Variants in NRXN1 observed in about 807,000 individuals in gnomAD.
The protein encoded by NRXN1 is neurexin 1, also known as neurexin-1.
A neutral mutation model predicts 150.9 loss-of-function variants in NRXN1; 39 were observed. The observed-to-expected ratio is 0.26, with a 90% CI of 0.20 to 0.34. The LOEUF (loss-of-function observed/expected upper bound fraction) is 0.34, where lower values mean the gene tolerates loss of function less well. Ranked by LOEUF, NRXN1 falls within the 10% of genes least tolerant of loss-of-function variation. NRXN1 has a pLI of 1.00. For missense variants in NRXN1, 1,815 were observed against 1,949.9 expected (o/e 0.93, Z 1.30); for synonymous variants, 924 against 757.0 (o/e 1.22, Z -3.62).
chr2:50,591,402 AG>A (rs1674200933), intron 8 of NRXN1, among the ~76,000 whole-genome samples: 2 of 135,226 alleles, frequency 1.5e-5, no homozygotes, highest in Non-Finnish European at 3.4e-5. Flanking sequence ...ATAGATAGAT[AG>A]ATAGATAGAT....
intron 21 of NRXN1, among the ~76,000 whole-genome samples, chr2:50,046,242 T>C (rs1691787435): frequency 1.3e-5 from 2 of 152,170 alleles, no homozygotes; most frequent in Non-Finnish European, 2.9e-5. Flanking sequence ...GTAGTCCTCA[T>C]GGACCTCACG....
At chr2:50,028,515 T>C (rs562354429) in intron 21 of NRXN1, among the ~76,000 whole-genome samples, 124 of 152,336 alleles carry the variant, frequency 8.1e-4, no homozygotes, top group Non-Finnish European at 1.3e-3. Flanking sequence ...CTGAATATTA[T>C]ATAAGTTGTT....
intron 5 of NRXN1, among the ~76,000 whole-genome samples, chr2:50,762,077 G>A (rs1172443607): frequency 6.6e-6 from 1 of 151,146 alleles, no homozygotes; most frequent in Non-Finnish European, 1.5e-5. Flanking sequence ...TTGTGATCAT[G>A]TGAATCAATA....
At chr2:50,672,243 C>T (rs1178156183) in intron 5 of NRXN1, among the ~76,000 whole-genome samples, 3 of 151,676 alleles carry the variant, frequency 2.0e-5, no homozygotes, top group African/African-American at 7.3e-5. Context: ...GTATCATCAG[C>T]TTTCAGCTAT....
rs751268547 is a variant in NRXN1, at chr2:50,538,634, T to C, written c.1762A>G (p.Thr588Ala). ...GTACGCAACGTGTTGACAGAAATGG[T>C]ACCTATTTCAAAGAGAGGAGAATGC... ...VDFQRDGRSG[T>A]ISVNTLRTPY... Residue 588 changes from threonine to alanine, a missense_variant and splice_region_variant, in exon 10 of 23, where the codon ACC becomes GCC. Thr to Ala is a moderately conservative substitution (Grantham distance 58). Around this residue, in one of 6 missense-constraint regions of NRXN1, gnomAD observed 638 missense variants for 652.6 expected, o/e 0.98. Transcript: ENST00000401669. 1.3e-6 allele frequency: 2 copies of C among 1,481,714 alleles called. No individual in the cohort carries two copies. Among genetic ancestry groups the C allele is most frequent in the East Asian group, 4.6e-5 (2 of 43,334 alleles). 91.8% of individuals were successfully genotyped at this position (1,481,714 alleles called of 1,614,324 possible).
chr2:50,167,302 G>A (rs957975378), intron 18 of NRXN1, among the ~76,000 whole-genome samples: 46 of 152,022 alleles, frequency 3.0e-4, no homozygotes, highest in African/African-American at 1.1e-3. Context: ...GAATAAGATC[G>A]AAGAACACTC....
intron 5 of NRXN1, among the ~76,000 whole-genome samples, chr2:50,899,572 T>G (rs946638829): frequency 6.6e-6 from 1 of 152,168 alleles, no homozygotes; most frequent in African/African-American, 2.4e-5. Context: ...AGAGAAAATT[T>G]TTTAAAAAAT....
chr2:50,737,813 A>T (rs767597428), intron 5 of NRXN1, among the ~76,000 whole-genome samples: 1 of 152,166 alleles, frequency 6.6e-6, no homozygotes, highest in East Asian at 1.9e-4. Flanking sequence ...CATTATAAAA[A>T]CACCCACCAC....
intron 13 of NRXN1, among the ~76,000 whole-genome samples, chr2:50,498,029 G>A (rs1055776646): frequency 6.6e-6 from 1 of 152,080 alleles, no homozygotes; most frequent in African/African-American, 2.4e-5. Context: ...AGTAAAAGAA[G>A]GAGAGGGAGG....
intron 5 of NRXN1, among the ~76,000 whole-genome samples, chr2:50,710,042 C>T (rs1360258332): frequency 6.6e-6 from 1 of 152,080 alleles, no homozygotes; most frequent in Non-Finnish European, 1.5e-5. Flanking sequence ...AAGCATCCAC[C>T]AGAACATGTG....
chr2:50,366,152 CTTT>C (rs35589416), intron 17 of NRXN1, among the ~76,000 whole-genome samples: 14 of 132,448 alleles, frequency 1.1e-4, no homozygotes, highest in Admixed American at 1.5e-4. Context: ...CGGCTGGACA[CTTT>C]TTTTTTTTTT....
At chr2:50,370,356 A>ATT (rs2079927528) in intron 17 of NRXN1, among the ~76,000 whole-genome samples, 2 of 152,018 alleles carry the variant, frequency 1.3e-5, no homozygotes, top group Non-Finnish European at 2.9e-5. Context: ...GGATGTGCTT[A>ATT]GGAATCTGCA....
At chr2:50,349,765 A>C (rs1256527863) in intron 17 of NRXN1, among the ~76,000 whole-genome samples, 1 of 152,200 alleles carries the variant, frequency 6.6e-6, no homozygotes, top group African/African-American at 2.4e-5. Flanking sequence ...CTCTTCTCTC[A>C]TACAGGTCTA....
intron 9 of NRXN1, among the ~76,000 whole-genome samples, chr2:50,541,169 T>C (rs1446494801): frequency 6.6e-6 from 1 of 152,206 alleles, no homozygotes; most frequent in Non-Finnish European, 1.5e-5. Flanking sequence ...TATTCAAATA[T>C]ACATATATAT....
intron 19 of NRXN1, among the ~76,000 whole-genome samples, chr2:50,057,294 C>T (rs1045701254): frequency 6.6e-6 from 1 of 152,134 alleles, no homozygotes; most frequent in African/African-American, 2.4e-5. Context: ...TCTTTCTTCT[C>T]TCTGGGACTT....
chr2:50,882,609 G>A (rs373709877), intron 5 of NRXN1, among the ~76,000 whole-genome samples: 49 of 151,804 alleles, frequency 3.2e-4, no homozygotes, highest in Non-Finnish European at 6.6e-4. Context: ...AAAATTGAGC[G>A]CCAAGTTAAA....
At chr2:50,706,810 A>ATT (rs139071115) in intron 5 of NRXN1, among the ~76,000 whole-genome samples, 5 of 140,594 alleles carry the variant, frequency 3.6e-5, no homozygotes, top group East Asian at 2.1e-4. Flanking sequence ...ACATATTTGG[A>ATT]TTTTTTTTTT....
intron 18 of NRXN1, among the ~76,000 whole-genome samples, chr2:50,132,713 C>T (rs1016726158): frequency 6.6e-6 from 1 of 151,974 alleles, no homozygotes; most frequent in African/African-American, 2.4e-5. Flanking sequence ...TCTCTCTATT[C>T]CTTGGAAACC....
chr2:50,528,853 A>T (rs1456063447), intron 11 of NRXN1: 1 of 465,440 alleles, frequency 2.1e-6, no homozygotes, highest in African/African-American at 2.1e-5. Context: ...AGAAGGTTTT[A>T]AAAATGGCCA....
Sources: gnomAD v4.1 joint callset for allele counts (sites outside exome capture counted in the v4.1 genomes callset) on GRCh38, gnomAD v4.1.1 for gene constraint, gnomAD v4.1.1 regional missense constraint, MANE v1.5 for transcripts, NCBI Gene and HGNC (gene_info 2026-07-23, HGNC 2026-07-21) for gene names.